The following NRXN1 variants were observed in gnomAD, a reference collection of about 807,000 sequenced individuals.
NRXN1 encodes the protein neurexin 1.
Under a neutral mutation model 150.9 loss-of-function variants are expected in NRXN1, and 39 were observed. That is an observed-to-expected ratio of 0.26 (90% CI 0.20 to 0.34). NRXN1 has a LOEUF of 0.34. Ranked by LOEUF, NRXN1 falls within the 10% of genes least tolerant of loss-of-function variation. NRXN1 has a pLI of 1.00. For synonymous variants in NRXN1, 924 were observed against 757.0 expected (o/e 1.22, Z -3.62); for missense variants, 1,815 against 1,949.9 (o/e 0.93, Z 1.30).
At chr2:50,007,055 G>T (rs1684885817) in intron 21 of NRXN1, among the ~76,000 whole-genome samples, 1 of 152,016 alleles carries the variant, frequency 6.6e-6, no homozygotes, top group Non-Finnish European at 1.5e-5. Flanking sequence ...TGCTATCAAG[G>T]GAACAGGCCA....
intron 21 of NRXN1, among the ~76,000 whole-genome samples, chr2:50,009,037 A>C (rs943524122): frequency 2.0e-5 from 3 of 152,344 alleles, no homozygotes; most frequent in South Asian, 4.1e-4. Flanking sequence ...CAATAACTTT[A>C]TAACTACCAA....
intron 16 of NRXN1, among the ~76,000 whole-genome samples, chr2:50,469,737 G>A (rs1357370496): frequency 6.6e-6 from 1 of 150,974 alleles, no homozygotes; most frequent in East Asian, 1.9e-4. Flanking sequence ...AGGACAGAAA[G>A]TAATATTCTA....
At chr2:50,796,585 T>C (rs1347820408) in intron 5 of NRXN1, among the ~76,000 whole-genome samples, 1 of 152,148 alleles carries the variant, frequency 6.6e-6, no homozygotes, top group Non-Finnish European at 1.5e-5. Context: ...AGTTTGGCTT[T>C]CCCCTAAGTG....
rs116477955 is a variant in NRXN1, at chr2:50,374,574, C to T, written c.3364+90868G>A. 9.2e-3 allele frequency among the ~76,000 whole-genome samples: 1,393 copies of T among 152,124 alleles called. 16 individuals carry two copies. Among genetic ancestry groups the T allele is most frequent in the African/African-American group, 0.032 (1,322 of 41,514 alleles). The stretch of plus-strand genomic sequence containing the variant: ...CTTCCACTGAAGTTACTATTATCAA[C>T]CACAGCACTCATAAACACATAGCAC... On this transcript the variant is annotated intron_variant, in intron 17 of 22. Coordinates refer to ENST00000401669, the MANE Select transcript of NRXN1 (RefSeq NM_001330078.2).
chr2:50,152,098 G>A (rs1203312133), intron 18 of NRXN1, among the ~76,000 whole-genome samples: 10 of 151,494 alleles, frequency 6.6e-5, no homozygotes, highest in Non-Finnish European at 1.3e-4. Context: ...CAGTTCAGTG[G>A]TACTAAGTGC....
At chr2:50,121,793 T>C (rs1006743859) in intron 18 of NRXN1, among the ~76,000 whole-genome samples, 13 of 152,180 alleles carry the variant, frequency 8.5e-5, no homozygotes, top group Non-Finnish European at 1.9e-4. Flanking sequence ...ATTAGCGAGA[T>C]TGAATCATTG....
At chr2:50,416,172 T>C (rs556290852) in intron 17 of NRXN1, among the ~76,000 whole-genome samples, 15 of 152,200 alleles carry the variant, frequency 9.9e-5, no homozygotes, top group African/African-American at 3.6e-4. Flanking sequence ...ATCAATTGTA[T>C]TCTGTACTAT....
chr2:50,834,102 T>C (rs17504263), intron 5 of NRXN1, among the ~76,000 whole-genome samples: 26,239 of 152,116 alleles, frequency 0.17, 2,438 homozygotes, highest in Middle Eastern at 0.24. Context: ...TTGACCTAAT[T>C]GGCAAATTTC....
intron 5 of NRXN1, among the ~76,000 whole-genome samples, chr2:50,859,507 G>C (rs1012197729): frequency 1.3e-5 from 2 of 150,296 alleles, no homozygotes; most frequent in Non-Finnish European, 3.0e-5. Context: ...AAACAGAAGG[G>C]GTGCAAAAAA....
chr2:50,934,767 A>G (rs1688270775), intron 2 of NRXN1, among the ~76,000 whole-genome samples: 1 of 152,232 alleles, frequency 6.6e-6, no homozygotes, highest in South Asian at 2.1e-4. Context: ...CAGGGTTATT[A>G]CATTTGTGCA....
intron 5 of NRXN1, among the ~76,000 whole-genome samples, chr2:50,904,601 CA>C (rs1225579980): frequency 6.6e-6 from 1 of 152,136 alleles, no homozygotes; most frequent in African/African-American, 2.4e-5. Flanking sequence ...TAACTTTACG[CA>C]AAACACTTGT....
rs374323538 is a variant in NRXN1, at chr2:50,329,348, C to A, written c.3365-92378G>T. ...TTAAAACAGTGTAAAACAGTTAAAACGATGAGGGTTTTTTTTTCTTATAAA... is the reference window on the plus strand; with the variant it reads ...TTAAAACAGTGTAAAACAGTTAAAAAGATGAGGGTTTTTTTTTCTTATAAA... On this transcript the variant is annotated intron_variant, in intron 17 of 22. Transcript: ENST00000401669. Among the ~76,000 whole-genome samples, 100 of 150,592 alleles carry A rather than the reference C, an allele frequency of 6.6e-4. 1 individual carries two copies. In the South Asian group the frequency reaches 0.014, roughly 21 times the overall value.
intron 19 of NRXN1, among the ~76,000 whole-genome samples, chr2:50,072,358 C>T (rs376378489): frequency 1.3e-5 from 2 of 152,018 alleles, no homozygotes; most frequent in African/African-American, 2.4e-5. Flanking sequence ...TGATTACATG[C>T]GGTGACATTG....
At chr2:50,558,715 A>G (rs1668602813) in intron 8 of NRXN1, among the ~76,000 whole-genome samples, 1 of 152,146 alleles carries the variant, frequency 6.6e-6, no homozygotes, top group African/African-American at 2.4e-5. Context: ...TTTAATGCTG[A>G]TTTTTGTTTG....
Position 50,046,900 on chromosome 2 carries a change from T to C in NRXN1, c.4128+6371A>G, listed in dbSNP as rs140043683. On this transcript the variant is annotated intron_variant, in intron 21 of 22. Transcript: ENST00000401669. Reference sequence around the variant, plus strand: ...ATAGGCAATGCCTAAATAGATACTATTAGAAGGAGTAATACATGATACAAA... The same window carrying C: ...ATAGGCAATGCCTAAATAGATACTACTAGAAGGAGTAATACATGATACAAA... Among the ~76,000 whole-genome samples the C allele has an allele frequency of 5.6e-3, 858 of 152,228 alleles. 10 individuals carry two copies. Among genetic ancestry groups the C allele is most frequent in the Middle Eastern group, 0.02 (6 of 294 alleles).
chr2:49,947,459 T>G (rs1673119508), intron 21 of NRXN1, among the ~76,000 whole-genome samples: 1 of 151,762 alleles, frequency 6.6e-6, no homozygotes, highest in Admixed American at 6.6e-5. Flanking sequence ...TGCTAAACAT[T>G]CTTTTCTTTC....
At chr2:50,938,264 A>C (rs954256290) in intron 2 of NRXN1, among the ~76,000 whole-genome samples, 1 of 152,198 alleles carries the variant, frequency 6.6e-6, no homozygotes, top group Non-Finnish European at 1.5e-5. Context: ...ATGAAAATTA[A>C]GGTATGTGTG....
At chr2:50,732,733 C>G (rs1211621872) in intron 5 of NRXN1, among the ~76,000 whole-genome samples, 1 of 152,006 alleles carries the variant, frequency 6.6e-6, no homozygotes, top group African/African-American at 2.4e-5. Flanking sequence ...TTTTGTAGAC[C>G]TTTGTTCCTT....
At chr2:50,964,257 G>A (rs72828317) in intron 2 of NRXN1, among the ~76,000 whole-genome samples, 1,516 of 151,536 alleles carry the variant, frequency 0.01, 24 homozygotes, top group Non-Finnish European at 0.012. Context: ...TAAAAGTCAA[G>A]TAGTATTTTA....
Sources: gnomAD v4.1 joint callset for allele counts (sites outside exome capture counted in the v4.1 genomes callset) on GRCh38, gnomAD v4.1.1 for gene constraint, MANE v1.5 for transcripts, NCBI Gene and HGNC (gene_info 2026-07-23, HGNC 2026-07-21) for gene names.